SLC52A1: variants seen among roughly 807,000 people sequenced by gnomAD.
The protein encoded by SLC52A1 is solute carrier family 52 member 1, also known as solute carrier family 52, riboflavin transporter, member 1.
In SLC52A1, 20 loss-of-function variants were observed where a neutral mutation model predicts 23.2. The ratio of observed to expected loss-of-function variants is 0.86; its 90% confidence interval spans 0.61 to 1.25. The LOEUF is 1.25. SLC52A1 is among the 50% of genes most tolerant of loss of function. The pLI is 0.00. For synonymous variants in SLC52A1, 260 were observed against 256.6 expected, an observed-to-expected ratio of 1.01 and a Z score of -0.13; for missense variants, 528 against 557.0, an observed-to-expected ratio of 0.95 and a Z score of 0.52.
At position 5,032,999 on chromosome 17, in the gene SLC52A1, C is replaced by T; in HGVS notation, c.1305G>A (p.Val435=). The T allele has an allele frequency of 6.2e-7, 1 of 1,613,842 alleles. No homozygotes were observed. The highest frequency in any genetic ancestry group is 8.5e-7 in the Non-Finnish European group (1 of 1,180,040). ...CTACACAGTCCTTTCTGCTTTGAAACACGTGGTAGATGCTGGTGGGAGGGA... is the reference window on the plus strand; with the variant it reads ...CTACACAGTCCTTTCTGCTTTGAAATACGTGGTAGATGCTGGTGGGAGGGA... ...AMFPPTSIYH[V]FQSRKDCVDP... is the part of the protein sequence containing the mutation. Residue 435 remains valine, a synonymous_variant, in exon 5 of 5, where the codon GTG becomes GTA. Transcript: ENST00000254853.
chr17:5,039,497 A>G (rs1187693620), upstream of SLC52A1, among the ~76,000 whole-genome samples: 3 of 151,776 alleles, frequency 2.0e-5, no homozygotes, highest in East Asian at 3.9e-4. Context: ...GTAATTGACA[A>G]TTTCTCACTC....
upstream of SLC52A1, among the ~76,000 whole-genome samples, chr17:5,035,880 T>C (rs1446837636): frequency 8.1e-6 from 1 of 124,116 alleles, no homozygotes; most frequent in Non-Finnish European, 1.7e-5. Context: ...CTAATTTTTT[T>C]TTTTTTTTTT....
intron 3 of SLC52A1, 25 bp from the exon 4 acceptor site, chr17:5,033,409 G>C: frequency 6.2e-7 from 1 of 1,613,708 alleles, no homozygotes; most frequent in South Asian, 1.1e-5. Flanking sequence ...CAGAGACTCA[G>C]GGCTGGCTGT....
chr17:5,033,414 G>A, intron 3 of SLC52A1, 30 bp from the exon 4 acceptor site: 1 of 1,613,464 alleles, frequency 6.2e-7, no homozygotes, highest in Non-Finnish European at 8.5e-7. Context: ...ACTCAGGGCT[G>A]GCTGTTCTGG....
Position 5,034,619 on chromosome 17 carries a change from T to C in SLC52A1, c.-13A>G. ...TGGGTGCTGCCATTCAGCCCAAAGC[T>C]GGACCCTCCAGGACAGGGCAAAGGT... On this transcript the variant is annotated 5_prime_UTR_variant, in exon 2 of 5. Coordinates refer to ENST00000254853, the MANE Select transcript of SLC52A1 (RefSeq NM_017986.4). The C allele has an allele frequency of 3.1e-6, 5 of 1,614,020 alleles. No individual in the cohort carries two copies. Among genetic ancestry groups the C allele is most frequent in the Non-Finnish European group, 4.2e-6 (5 of 1,180,008 alleles).
At chr17:5,034,748 C>T (rs1975418785) in intron 1 of SLC52A1, 35 bp from the exon 2 acceptor site, 1 of 1,120,022 alleles carries the variant, frequency 8.9e-7, no homozygotes, top group Non-Finnish European at 1.2e-6. Flanking sequence ...AGGTAATAGG[C>T]TGGTGGGACA....
intron 2 of SLC52A1, 48 bp from the exon 3 acceptor site, chr17:5,034,406 CAA>C: frequency 1.2e-6 from 2 of 1,604,750 alleles, no homozygotes; most frequent in Non-Finnish European, 1.7e-6. Flanking sequence ...GGCTAAGGGA[CAA>C]AGAGCTGCCA....
At chr17:5,040,527 A>G (rs569173558) in intron 1 of SLC52A1, among the ~76,000 whole-genome samples, 1 of 152,252 alleles carries the variant, frequency 6.6e-6, no homozygotes, top group Admixed American at 6.5e-5. Flanking sequence ...AAGATCTGTC[A>G]TTGTGGTTTC....
intron 1 of SLC52A1, 55 bp downstream of exon 1, chr17:5,034,806 A>G (rs1316977870): frequency 3.8e-6 from 2 of 527,510 alleles, no homozygotes; most frequent in African/African-American, 2.0e-5. Context: ...GACCAGGGCA[A>G]CTGGAGGGAG....
At chr17:5,036,691 C>T (rs1007679124), upstream of SLC52A1, among the ~76,000 whole-genome samples, 6 of 152,202 alleles carry the variant, frequency 3.9e-5, no homozygotes, top group South Asian at 2.1e-4. Context: ...GGATTACAGG[C>T]GTGAGCCACC....
chr17:5,038,351 C>T (rs1332251593), upstream of SLC52A1, among the ~76,000 whole-genome samples: 6 of 151,838 alleles, frequency 4.0e-5, no homozygotes, highest in African/African-American at 1.5e-4. Flanking sequence ...ATGATTATGC[C>T]ACTGCACTCC....
chr17:5,032,628 T>C lies in SLC52A1; in HGVS notation c.*329A>G, dbSNP rs868722825. ...ATGTATGAAAAATTATTTAATCCAG[T>C]TTCCTGATTTCATTATATATTTCTT... is the stretch of plus-strand genomic sequence containing the variant. On this transcript the variant is annotated 3_prime_UTR_variant, in exon 5 of 5. Coordinates refer to ENST00000254853, the MANE Select transcript of SLC52A1 (RefSeq NM_017986.4). 1.4e-4 allele frequency: 33 copies of C among 228,778 alleles called. No individual in the cohort carries two copies. The highest frequency in any genetic ancestry group is 3.0e-3 in the Middle Eastern group (2 of 660). 14.2% of individuals were successfully genotyped at this position (228,778 alleles called of 1,614,324 possible).
chr17:5,033,700 G>A lies in SLC52A1; in HGVS notation c.789C>T (p.Thr263=), dbSNP rs1475360579. The change falls in exon 3 of 5, where the codon ACC becomes ACT. Residue 263 remains threonine (T), a synonymous_variant. Coordinates refer to ENST00000254853, the MANE Select transcript of SLC52A1 (RefSeq NM_017986.4). Reference sequence around the variant, plus strand: ...GGGCCTCAGGGTCTGGGCCAGGGATGGTGCCTGCTGCCTGGCTCGGTGGCT... The same window carrying A: ...GGGCCTCAGGGTCTGGGCCAGGGATAGTGCCTGCTGCCTGGCTCGGTGGCT... ...LQEPPSQAAG[T]IPGPDPEAHQ... The A allele has an allele frequency of 4.3e-6, 7 of 1,613,952 alleles. No homozygotes were observed. Among genetic ancestry groups the A allele is most frequent in the South Asian group, 1.1e-5 (1 of 91,092 alleles).
At chr17:5,034,734 T>C (rs1975418532) in intron 1 of SLC52A1, 21 bp from the exon 2 acceptor site, 7 of 1,281,168 alleles carry the variant, frequency 5.5e-6, no homozygotes, top group Non-Finnish European at 7.4e-6. Flanking sequence ...ACAGACAGGC[T>C]GGCAGGTAAT....
rs1450181124 is a variant in SLC52A1, at chr17:5,035,146, A to G, written c.-393T>C. On this transcript the variant is annotated 5_prime_UTR_variant, in exon 1 of 5. Transcript: ENST00000254853. ...AACATGGTGAAAACCCGTCTCTACTAAAAATACAAAAATTAGCTGGTCGTG... is the reference window on the plus strand; with the variant it reads ...AACATGGTGAAAACCCGTCTCTACTGAAAATACAAAAATTAGCTGGTCGTG... 6.4e-6 allele frequency: 1 copy of G among 155,420 alleles called. No homozygotes were observed. Among genetic ancestry groups the G allele is most frequent in the Non-Finnish European group, 1.4e-5 (1 of 69,922 alleles). The allele number at this position is 155,420 out of a possible 1,614,324, so 9.6% of individuals were successfully genotyped here. A position where few individuals can be genotyped will look rare whatever the true frequency, so the allele number is the denominator to read the frequency against.
At chr17:5,035,610 T>A (rs998588802), upstream of SLC52A1, among the ~76,000 whole-genome samples, 1 of 152,178 alleles carries the variant, frequency 6.6e-6, no homozygotes, top group Non-Finnish European at 1.5e-5. Context: ...CGGCTGGCGG[T>A]CTGCCTGAGA....
chr17:5,042,196 T>G (rs1440469397), intron 1 of SLC52A1, among the ~76,000 whole-genome samples: 1 of 152,202 alleles, frequency 6.6e-6, no homozygotes, highest in Non-Finnish European at 1.5e-5. Context: ...CCCTGCAGCC[T>G]TCTGGGGCAC....
At chr17:5,034,456 C>T in intron 2 of SLC52A1, 21 bp downstream of exon 2, 1 of 1,614,160 alleles carries the variant, frequency 6.2e-7, no homozygotes, top group East Asian at 2.2e-5. Context: ...CCACGCTTCC[C>T]TGTACCTCCC....
intron 1 of SLC52A1, among the ~76,000 whole-genome samples, chr17:5,041,220 G>A (rs1457546626): frequency 2.0e-5 from 3 of 151,968 alleles, no homozygotes; most frequent in South Asian, 2.1e-4. Flanking sequence ...CCAAGCAGCC[G>A]GGACCATAGG....
Sources: gnomAD v4.1 joint callset for allele counts (sites outside exome capture counted in the v4.1 genomes callset) on GRCh38, gnomAD v4.1.1 for gene constraint, MANE v1.5 for transcripts, NCBI Gene and HGNC (gene_info 2026-07-23, HGNC 2026-07-21) for gene names.